PSMD3: variants seen among roughly 807,000 people sequenced by gnomAD.
The protein encoded by PSMD3 is proteasome 26S subunit, non-ATPase 3.
Under a neutral mutation model 62.8 loss-of-function variants are expected in PSMD3, and 5 were observed. The observed-to-expected ratio is 0.08, with a 90% CI of 0.04 to 0.17. PSMD3 has a LOEUF of 0.17. PSMD3 is among the 10% of genes least tolerant of loss of function. The pLI is 1.00. For synonymous variants in PSMD3, 265 were observed against 283.9 expected, an observed-to-expected ratio of 0.93 and a Z score of 0.67; for missense variants, 524 against 713.6, an observed-to-expected ratio of 0.73 and a Z score of 3.03.
chr17:39,989,818 C>G lies in PSMD3; in HGVS notation c.766C>G (p.Arg256Gly). ...GGCCACCCTGTTGAACCTCCTGCTG[C>G]GGAATTACCTACACTACAGCTTGTA... Reference protein sequence around the residue: ...GQATLLNLLLRNYLHYSLYDQ... With the variant: ...GQATLLNLLLGNYLHYSLYDQ... The change falls in exon 5 of 12, where the codon CGG becomes GGG. Residue 256 changes from arginine (R) to glycine (G), a missense_variant. Physicochemically the swap from Arg to Gly is moderately radical, Grantham distance 125 (BLOSUM62 -2). Transcript: ENST00000264639. 1 of 1,614,176 alleles carries G rather than the reference C, an allele frequency of 6.2e-7. No homozygotes were observed. The highest frequency in any genetic ancestry group is 2.2e-5 in the East Asian group (1 of 44,890).
At chr17:39,988,092 C>T (rs1475629297) in intron 3 of PSMD3, among the ~76,000 whole-genome samples, 2 of 145,488 alleles carry the variant, frequency 1.4e-5, no homozygotes, top group South Asian at 2.3e-4. Context: ...GGTGACAGAG[C>T]GAGACTCCGT....
At chr17:39,985,121 G>A (rs1025260216) in intron 2 of PSMD3, among the ~76,000 whole-genome samples, 4 of 152,120 alleles carry the variant, frequency 2.6e-5, no homozygotes, top group African/African-American at 4.8e-5. Flanking sequence ...CCAGCTACTC[G>A]GGAGGCTGAG....
At position 39,997,388 on chromosome 17, in the gene PSMD3, C is replaced by G. The variant is rs1980810201; in HGVS notation, c.1527+8C>G. On this transcript the variant is annotated splice_region_variant and intron_variant, in intron 11 of 11. Coordinates refer to ENST00000264639, the MANE Select transcript of PSMD3 (RefSeq NM_002809.4). ...GACTTGGAGTCTGCAGAGGTAAGCT[C>G]TCTGCTTTCTGGGTGAGACCGAAAG... 1.2e-6 allele frequency: 2 copies of G among 1,613,948 alleles called. No individual in the cohort carries two copies. Among genetic ancestry groups the G allele is most frequent in the Middle Eastern group, 1.6e-4 (1 of 6,062 alleles).
intron 6 of PSMD3, 92 bp downstream of exon 6, chr17:39,990,289 C>A (rs3744245): frequency 9.6e-6 from 11 of 1,146,300 alleles, no homozygotes; most frequent in Non-Finnish European, 1.2e-5. Context: ...TCTTGAACTC[C>A]TGGGTTCAAG....
chr17:39,996,890 C>A lies in PSMD3; in HGVS notation c.1477-440C>A. On this transcript the variant is annotated intron_variant, in intron 10 of 11. Transcript: ENST00000264639. This position sits in a 1 kb window ranked among gnomAD's most constrained non-coding sequence, Gnocchi z 5.1. ...CTCCTCCGAGGAAACTAGGATATTG[C>A]TGCCTTGCTTAAAATCTGGCTAAGC... 1 of 420,728 alleles carries A rather than the reference C, an allele frequency of 2.4e-6. No homozygotes were observed. The highest frequency in any genetic ancestry group is 4.7e-6 in the Non-Finnish European group (1 of 213,756). 26.1% of individuals were successfully genotyped at this position (420,728 alleles called of 1,614,324 possible).
At chr17:39,981,388 T>C (rs1327580178) in intron 1 of PSMD3, among the ~76,000 whole-genome samples, 198 bp downstream of exon 1, 1 of 152,058 alleles carries the variant, frequency 6.6e-6, no homozygotes, top group Non-Finnish European at 1.5e-5. Flanking sequence ...TGGGAACCAC[T>C]CCCCTCCCAT....
At position 39,989,800 on chromosome 17, in the gene PSMD3, C is replaced by A; in HGVS notation, c.748C>A (p.Leu250Met). ...GCATGACGCAGACGGGCAGGCCACC[C>A]TGTTGAACCTCCTGCTGCGGAATTA... ...LRHDADGQAT[L>M]LNLLLRNYLH... The change falls in exon 5 of 12, where the codon CTG (leucine) becomes ATG (methionine). Residue 250 changes from leucine (L) to methionine (M), a missense_variant. By Grantham distance (15) the Leu-to-Met change is conservative. This residue lies in a region of PSMD3 where 396 missense variants were observed against 475.8 expected (regional missense o/e 0.83). Transcript: ENST00000264639. 1 of 1,614,196 alleles carries A rather than the reference C, an allele frequency of 6.2e-7. No homozygotes were observed. Among genetic ancestry groups the A allele is most frequent in the East Asian group, 2.2e-5 (1 of 44,890 alleles).
Position 39,980,841 on chromosome 17 carries a change from C to G in PSMD3, c.-130C>G, listed in dbSNP as rs534914130. On this transcript the variant is annotated 5_prime_UTR_variant, in exon 1 of 12. Transcript: ENST00000264639. Reference sequence around the variant, plus strand: ...AGCGCCGGGAAGGGGTTTGCAGCTGCTCCGTCATCGTGCGGCCCGACGCTA... The same window carrying G: ...AGCGCCGGGAAGGGGTTTGCAGCTGGTCCGTCATCGTGCGGCCCGACGCTA... 8.3e-6 allele frequency: 7 copies of G among 845,964 alleles called. No homozygotes were observed. The highest frequency in any genetic ancestry group is 1.2e-5 in the Non-Finnish European group (7 of 577,316). The allele number at this position is 845,964 out of a possible 1,614,324, so 52.4% of individuals were successfully genotyped here.
At chr17:39,990,462 T>TTTA (rs1253488097) in intron 6 of PSMD3, among the ~76,000 whole-genome samples, 3 of 151,974 alleles carry the variant, frequency 2.0e-5, no homozygotes. Context: ...GACTTCAACT[T>TTTA]TTATTATTAT....
chr17:39,982,431 A>C (rs1054198674), intron 1 of PSMD3, among the ~76,000 whole-genome samples: 5 of 152,260 alleles, frequency 3.3e-5, no homozygotes, highest in African/African-American at 2.4e-5. Flanking sequence ...CCTATAATTG[A>C]GAGCAAGTTA....
At chr17:39,986,425 A>ATCTT in intron 2 of PSMD3, 150 bp from the exon 3 acceptor site, 3 of 997,156 alleles carry the variant, frequency 3.0e-6, no homozygotes, top group Non-Finnish European at 4.4e-6. Flanking sequence ...AAAGACTGTA[A>ATCTT]TCTTTATTTT....
At position 39,986,601 on chromosome 17, in the gene PSMD3, G is replaced by C; in HGVS notation, c.438G>C (p.Gln146His). Reference protein sequence around the residue: ...EEPMDTEADLQFRPRTGKAAS... With the variant: ...EEPMDTEADLHFRPRTGKAAS... ...CCATGGACACAGAGGCTGATTTACA[G>C]TTCCGTCCCCGCACGGGAAAAGCTG... Residue 146 changes from glutamine to histidine, a missense_variant, in exon 3 of 12, where the codon CAG (glutamine) becomes CAC (histidine). Coordinates refer to ENST00000264639, the MANE Select transcript of PSMD3 (RefSeq NM_002809.4). The C allele has an allele frequency of 1.2e-6, 2 of 1,614,160 alleles. No homozygotes were observed. The highest frequency in any genetic ancestry group is 1.7e-6 in the Non-Finnish European group (2 of 1,180,036).
intron 4 of PSMD3, among the ~76,000 whole-genome samples, chr17:39,989,523 C>G (rs934437448): frequency 1.3e-5 from 2 of 152,246 alleles, no homozygotes; most frequent in South Asian, 2.1e-4. Flanking sequence ...TTGCCTCCCC[C>G]ACTGCACTGC....
chr17:39,986,545 T>G (rs1365409092), intron 2 of PSMD3, 30 bp from the exon 3 acceptor site: 3 of 1,612,690 alleles, frequency 1.9e-6, no homozygotes, highest in Non-Finnish European at 2.5e-6. Context: ...CAGACTGAGC[T>G]TTTCCATGGT....
intron 6 of PSMD3, 69 bp from the exon 7 acceptor site, chr17:39,994,885 C>T: frequency 1.5e-6 from 2 of 1,370,630 alleles, no homozygotes; most frequent in Non-Finnish European, 2.1e-6. Flanking sequence ...AGAATTTAGG[C>T]CACATTTCAT....
In PSMD3 at chr17:39,996,786, A is replaced by G; in HGVS notation, c.1476+448A>G. ...AAAGATGGCGCTGGTATCTAGCTCCACAAAAGGGTGAGCCCTTATCCTCAG... is the reference window on the plus strand; with the variant it reads ...AAAGATGGCGCTGGTATCTAGCTCCGCAAAAGGGTGAGCCCTTATCCTCAG... On this transcript the variant is annotated intron_variant, in intron 10 of 11. Coordinates refer to ENST00000264639, the MANE Select transcript of PSMD3 (RefSeq NM_002809.4). The surrounding 1 kb of genome is among the most constrained non-coding windows in gnomAD (Gnocchi z 5.1). 1 of 465,200 alleles carries G rather than the reference A, an allele frequency of 2.1e-6. No homozygotes were observed. The highest frequency in any genetic ancestry group is 4.3e-6 in the Non-Finnish European group (1 of 233,410). The allele number at this position is 465,200 out of a possible 1,614,324, so 28.8% of individuals were successfully genotyped here.
intron 1 of PSMD3, 88 bp downstream of exon 1, chr17:39,981,278 CT>C: frequency 1.3e-6 from 2 of 1,526,908 alleles, no homozygotes; most frequent in African/African-American, 2.8e-5. Context: ...CCACAGCAGC[CT>C]CCACCACCCT....
intron 1 of PSMD3, 35 bp downstream of exon 1, chr17:39,981,225 GCGGGTGACAGCGA>G: frequency 6.5e-7 from 1 of 1,547,774 alleles, no homozygotes; most frequent in Non-Finnish European, 8.7e-7. Context: ...TGCCGCGATC[GCGGGTGACAGCGA>G]CCCCTGTGAT....
chr17:39,997,250 G>A (rs751726820), intron 10 of PSMD3, 80 bp from the exon 11 acceptor site: 1 of 1,381,880 alleles, frequency 7.2e-7, no homozygotes, highest in Non-Finnish European at 1.0e-6. Flanking sequence ...GCTCACAGAG[G>A]GGACGCAGGG....
Sources: gnomAD v4.1 joint callset for allele counts (sites outside exome capture counted in the v4.1 genomes callset) on GRCh38, gnomAD v4.1.1 for gene constraint, gnomAD v4.1.1 regional missense constraint, Gnocchi (gnomAD v3.1) non-coding constraint, MANE v1.5 for transcripts, NCBI Gene and HGNC (gene_info 2026-07-23, HGNC 2026-07-21) for gene names.